CDH13: variants seen among roughly 807,000 people sequenced by gnomAD.
CDH13 encodes cadherin-13.
Under a neutral mutation model 63.8 loss-of-function variants are expected in CDH13, and 24 were observed. The ratio of observed to expected loss-of-function variants is 0.38; its 90% CI spans 0.27 to 0.53. CDH13 has a LOEUF of 0.53. Ranked by LOEUF, CDH13 falls within the 20% of genes least tolerant of loss-of-function variation. The pLI is 0.85. For synonymous variants in CDH13, 503 were observed against 355.3 expected, an observed-to-expected ratio of 1.42 and a Z score of -4.67; for missense variants, 1,049 against 903.1, an observed-to-expected ratio of 1.16 and a Z score of -2.07.
At chr16:82,687,642 T>C (rs974465207) in intron 1 of CDH13, among the ~76,000 whole-genome samples, 1 of 151,858 alleles carries the variant, frequency 6.6e-6, no homozygotes, top group African/African-American at 2.4e-5. Context: ...CGAGATTCAG[T>C]TACCTCCCAC....
rs781704884 is a variant in CDH13 at position 82,672,890 on chromosome 16, C to T, written c.45+45753C>T. ...AGTGCAGTGACATGATCATGACTCA[C>T]TGCCACTTCTACCTCCTGGGCTCAA... On this transcript the variant is annotated intron_variant, in intron 1 of 13. Transcript: ENST00000567109. 1.7e-4 allele frequency among the ~76,000 whole-genome samples: 26 copies of T among 152,090 alleles called. 1 individual carries two copies. The highest frequency in any genetic ancestry group is 6.8e-3 in the Middle Eastern group (2 of 294).
intron 7 of CDH13, among the ~76,000 whole-genome samples, chr16:83,493,814 A>G (rs975314834): frequency 6.6e-6 from 1 of 152,230 alleles, no homozygotes; most frequent in Non-Finnish European, 1.5e-5. Context: ...TTGGACAGAA[A>G]ATGAGTTAAG....
At chr16:83,476,110 A>G (rs1197615869) in intron 6 of CDH13, among the ~76,000 whole-genome samples, 1 of 152,216 alleles carries the variant, frequency 6.6e-6, no homozygotes, top group Non-Finnish European at 1.5e-5. Context: ...TCACTTATTC[A>G]TGTATTTATT....
At chr16:83,120,267 G>T (rs1343407887) in intron 3 of CDH13, among the ~76,000 whole-genome samples, 1 of 152,210 alleles carries the variant, frequency 6.6e-6, no homozygotes, top group African/African-American at 2.4e-5. Context: ...TCAAGGAAAT[G>T]GATGGGCAGC....
At chr16:83,592,126 T>C (rs780345952) in intron 7 of CDH13, among the ~76,000 whole-genome samples, 1 of 152,196 alleles carries the variant, frequency 6.6e-6, no homozygotes, top group Non-Finnish European at 1.5e-5. Context: ...ATCAGGGTGT[T>C]GGTCTCTCCC....
At chr16:83,784,919 C>G (rs1485111688) in intron 13 of CDH13, among the ~76,000 whole-genome samples, 1 of 152,214 alleles carries the variant, frequency 6.6e-6, no homozygotes, top group Non-Finnish European at 1.5e-5. Flanking sequence ...TCGATTATCT[C>G]ACTGGCTTTC....
intron 5 of CDH13, among the ~76,000 whole-genome samples, chr16:83,225,036 C>T (rs1165004603): frequency 6.6e-6 from 1 of 152,184 alleles, no homozygotes; most frequent in African/African-American, 2.4e-5. Context: ...CTAACAGCGT[C>T]ACCTGGGAAC....
intron 8 of CDH13, among the ~76,000 whole-genome samples, chr16:83,648,402 A>G (rs758771750): frequency 5.9e-5 from 9 of 152,104 alleles, no homozygotes; most frequent in Admixed American, 2.0e-4. Flanking sequence ...CAAGAAGGTA[A>G]GGCTTCATGG....
intron 7 of CDH13, among the ~76,000 whole-genome samples, chr16:83,570,946 C>G (rs377483593): frequency 9.1e-6 from 1 of 110,084 alleles, no homozygotes; most frequent in African/African-American, 3.1e-5. Flanking sequence ...ATAACTCATC[C>G]ATATATATAT....
At chr16:82,708,692 A>C (rs1179710014) in intron 1 of CDH13, among the ~76,000 whole-genome samples, 2 of 152,084 alleles carry the variant, frequency 1.3e-5, no homozygotes, top group African/African-American at 4.8e-5. Flanking sequence ...CACCATGACC[A>C]CTCTAAAAAG....
At chr16:83,721,201 A>G (rs531393877) in intron 10 of CDH13, 3 of 152,194 alleles carry the variant, frequency 2.0e-5, no homozygotes, top group Non-Finnish European at 4.4e-5. Flanking sequence ...AGCCATCCAG[A>G]ACAGTTTAAT....
chr16:82,985,400 A>G (rs1489372517), intron 2 of CDH13, among the ~76,000 whole-genome samples: 1 of 152,216 alleles, frequency 6.6e-6, no homozygotes, highest in Non-Finnish European at 1.5e-5. Flanking sequence ...TTTTGGAGGA[A>G]AATAAAGTAC....
intron 2 of CDH13, among the ~76,000 whole-genome samples, chr16:82,961,284 C>T (rs568618117): frequency 3.3e-5 from 5 of 152,252 alleles, no homozygotes; most frequent in East Asian, 3.9e-4. Flanking sequence ...TACAGCCGCC[C>T]GTCATTTTCC....
chr16:82,799,923 C>G (rs1413166764), intron 1 of CDH13, among the ~76,000 whole-genome samples: 6 of 152,132 alleles, frequency 3.9e-5, no homozygotes, highest in Non-Finnish European at 8.8e-5. Flanking sequence ...GTATTGACTC[C>G]TAGGTAGGAA....
intron 12 of CDH13, among the ~76,000 whole-genome samples, chr16:83,780,904 C>A (rs954378481): frequency 6.6e-6 from 1 of 152,174 alleles, no homozygotes; most frequent in Non-Finnish European, 1.5e-5. Flanking sequence ...ATTGGAGAGG[C>A]TTTTCGTGGT....
At position 82,943,255 on chromosome 16, in the gene CDH13, C is replaced by CT. The variant is rs1391529034; in HGVS notation, c.157+84787dup. ...AGAGAAGAAATAAAGGCACAATTTC[C>CT]TTTTTCCATATTTATGTGTTATATA... is the stretch of plus-strand genomic sequence containing the variant. On this transcript the variant is annotated intron_variant, in intron 2 of 13. Transcript: ENST00000567109. Among the ~76,000 whole-genome samples the CT allele has an allele frequency of 2.0e-5, 3 of 152,076 alleles. No homozygotes were observed. The East Asian group carries it at 5.8e-4, about 29-fold the overall frequency.
chr16:82,648,455 A>C (rs1910356747), intron 1 of CDH13, among the ~76,000 whole-genome samples: 1 of 152,242 alleles, frequency 6.6e-6, no homozygotes, highest in African/African-American at 2.4e-5. Flanking sequence ...GCAGCTCAAT[A>C]GAATATTACA....
chr16:83,478,287 C>T (rs1006975354), intron 6 of CDH13, among the ~76,000 whole-genome samples: 2 of 152,124 alleles, frequency 1.3e-5, no homozygotes, highest in Non-Finnish European at 1.5e-5. Flanking sequence ...TGCCACCAAC[C>T]CCACCTCTCC....
At chr16:83,068,078 G>A (rs8044968) in intron 3 of CDH13, among the ~76,000 whole-genome samples, 1,564 of 152,264 alleles carry the variant, frequency 0.01, 34 homozygotes, top group African/African-American at 0.034. Context: ...ATACAAGGAG[G>A]ACTTGGCAAA....
Sources: gnomAD v4.1 joint callset for allele counts (sites outside exome capture counted in the v4.1 genomes callset) on GRCh38, gnomAD v4.1.1 for gene constraint, MANE v1.5 for transcripts, NCBI Gene and HGNC (gene_info 2026-07-23, HGNC 2026-07-21) for gene names.